The following AGBL3 variants were observed in gnomAD, a reference collection of about 807,000 sequenced individuals.
AGBL3 encodes AGBL carboxypeptidase 3.
Under a neutral mutation model 94.5 loss-of-function variants are expected in AGBL3, and 68 were observed. That is an observed-to-expected ratio of 0.72 (90% CI 0.59 to 0.88). The LOEUF (loss-of-function observed/expected upper bound fraction) is 0.88, where lower values mean the gene tolerates loss of function less well. AGBL3 is among the 40% of genes least tolerant of loss of function. The pLI, the probability that AGBL3 is intolerant of heterozygous loss-of-function variation, is 0.00. For missense variants in AGBL3, 934 were observed against 1,103.8 expected (o/e 0.85, Z 2.18); for synonymous variants, 354 against 370.7 (o/e 0.95, Z 0.52).
At chr7:135,038,179 ACTTTC>A (rs1414088643) in intron 8 of AGBL3, among the ~76,000 whole-genome samples, 1 of 152,200 alleles carries the variant, frequency 6.6e-6, no homozygotes, top group African/African-American at 2.4e-5. Context: ...ATTCCTGCAG[ACTTTC>A]CTTTAAGTTC....
intron 15 of AGBL3, chr7:135,093,342 C>A (rs1004614955): frequency 6.6e-6 from 1 of 151,940 alleles, no homozygotes; most frequent in African/African-American, 2.4e-5. Context: ...TAAATGAGTT[C>A]AACAAGGTTG....
At chr7:135,052,927 T>C (rs192580114) in intron 11 of AGBL3, among the ~76,000 whole-genome samples, 50 of 152,206 alleles carry the variant, frequency 3.3e-4, no homozygotes, top group Admixed American at 7.9e-4. Flanking sequence ...TTTTTTGAGG[T>C]TGCAGAATCA....
At chr7:135,076,565 C>T (rs1662930065) in intron 13 of AGBL3, 97 bp downstream of exon 13, 13 of 956,466 alleles carry the variant, frequency 1.4e-5, no homozygotes, top group Non-Finnish European at 1.6e-5. Context: ...CGAATTTTCC[C>T]CCAGGAGAAG....
intron 4 of AGBL3, among the ~76,000 whole-genome samples, chr7:134,994,878 T>A (rs1810797161): frequency 6.6e-6 from 1 of 152,182 alleles, no homozygotes; most frequent in Non-Finnish European, 1.5e-5. Context: ...ACACATCTCT[T>A]CAAAGCTGGG....
In AGBL3 at chr7:134,993,610, C is replaced by G; in HGVS notation, c.242C>G (p.Ser81Cys). 6.4e-7 allele frequency: 1 copy of G among 1,552,192 alleles called. No homozygotes were observed. Among genetic ancestry groups the G allele is most frequent in the Non-Finnish European group, 8.7e-7 (1 of 1,147,070 alleles). Residue 81 changes from serine (S) to cysteine (C), a missense_variant, in exon 4 of 17, where the codon TCT becomes TGT. Physicochemically the swap from Ser to Cys is moderately radical, Grantham distance 112. This residue lies in a region of AGBL3 where 488 missense variants were observed against 563.6 expected (regional missense o/e 0.87). Coordinates refer to ENST00000436302, the MANE Select transcript of AGBL3 (RefSeq NM_178563.4). Reference protein sequence around the residue: ...EPRDLYGVSSSGPLSPTRWPY... With the variant: ...EPRDLYGVSSCGPLSPTRWPY... ...AGGGATTTATATGGTGTCTCTTCTT[C>G]TGGTCCATTGAGCCCAACACGGTGG...
chr7:135,130,709 T>A (rs1385449365), intron 16 of AGBL3, among the ~76,000 whole-genome samples: 1 of 152,192 alleles, frequency 6.6e-6, no homozygotes, highest in Non-Finnish European at 1.5e-5. Context: ...CAGTATAACC[T>A]GTCTATACCA....
intron 11 of AGBL3, chr7:135,050,934 A>C (rs897032454): frequency 2.7e-6 from 1 of 374,894 alleles, no homozygotes; most frequent in Non-Finnish European, 5.1e-6. Context: ...AAGATTTACT[A>C]TTGCCATTTT....
At chr7:135,066,913 G>A (rs1241491882) in intron 12 of AGBL3, among the ~76,000 whole-genome samples, 2 of 152,210 alleles carry the variant, frequency 1.3e-5, no homozygotes, top group African/African-American at 2.4e-5. Flanking sequence ...GCAGTGCACC[G>A]AGCATGAGCC....
rs986960625 is a variant in AGBL3, at chr7:135,072,646, C to G, written c.1909-3751C>G. On this transcript the variant is annotated intron_variant, in intron 12 of 16. Transcript: ENST00000436302. ...GGATGAAGCTGGAAACCATCATTCT[C>G]AGCAAACTATCACAAGGACAAAAAA... Among the ~76,000 whole-genome samples the G allele has an allele frequency of 1.1e-4, 16 of 151,950 alleles. No homozygotes were observed. The East Asian group carries it at 2.3e-3, about 22-fold the overall frequency.
At chr7:135,080,743 T>TG in intron 14 of AGBL3, among the ~76,000 whole-genome samples, 1 of 81,006 alleles carries the variant, frequency 1.2e-5, no homozygotes, top group South Asian at 4.7e-4. Context: ...CTAGCATCTC[T>TG]GTTTTTTTTT....
chr7:135,090,953 C>T (rs1240507558), intron 15 of AGBL3, among the ~76,000 whole-genome samples: 1 of 152,142 alleles, frequency 6.6e-6, no homozygotes. Context: ...ATGACAGCTC[C>T]TTCTCTGGGG....
In AGBL3 at chr7:135,081,124, C is replaced by T. The variant is rs375769701; in HGVS notation, c.2039-595C>T. Among the ~76,000 whole-genome samples, 29 of 151,894 alleles carry T rather than the reference C, an allele frequency of 1.9e-4. No homozygotes were observed. In the East Asian group the frequency reaches 2.3e-3, roughly 12 times the overall value. On this transcript the variant is annotated intron_variant, in intron 14 of 16. Coordinates refer to ENST00000436302, the MANE Select transcript of AGBL3 (RefSeq NM_178563.4). Reference sequence around the variant, plus strand: ...ATAATGGTCAGCTAGGCATATTCAGCGGCTTTTTATAAGTAACTTTTATGT... The same window carrying T: ...ATAATGGTCAGCTAGGCATATTCAGTGGCTTTTTATAAGTAACTTTTATGT...
intron 3 of AGBL3, among the ~76,000 whole-genome samples, chr7:134,992,258 G>T (rs1309589520): frequency 6.6e-6 from 1 of 152,152 alleles, no homozygotes; most frequent in African/African-American, 2.4e-5. Context: ...TTTCAGCTTT[G>T]TTAGAGTGTG....
chr7:134,995,854 T>C (rs1481652562), intron 4 of AGBL3, among the ~76,000 whole-genome samples: 1 of 152,196 alleles, frequency 6.6e-6, no homozygotes, highest in Admixed American at 6.5e-5. Flanking sequence ...CCTGAAATTT[T>C]TGCAAGCTCT....
At chr7:135,011,538 A>G (rs1362135844) in intron 4 of AGBL3, 2 of 152,210 alleles carry the variant, frequency 1.3e-5, no homozygotes, top group Admixed American at 1.3e-4. Context: ...TCTGGAATAC[A>G]TAAAGCATTT....
chr7:135,126,554 G>A (rs1295951892), intron 16 of AGBL3, among the ~76,000 whole-genome samples: 3 of 152,156 alleles, frequency 2.0e-5, no homozygotes, highest in Non-Finnish European at 1.5e-5. Context: ...ATTTCATATG[G>A]AATCAAAGAA....
chr7:135,075,784 C>T (rs147688297), intron 12 of AGBL3, among the ~76,000 whole-genome samples: 51 of 152,302 alleles, frequency 3.3e-4, no homozygotes, highest in East Asian at 1.5e-3. Context: ...CTGACAAGTG[C>T]GTTATCTCAT....
In AGBL3 at chr7:135,034,600, G is replaced by T. The variant is rs1433950253; in HGVS notation, c.1009G>T (p.Val337Leu). The T allele has an allele frequency of 3.9e-6, 6 of 1,551,590 alleles. No individual in the cohort carries two copies. The highest frequency in any genetic ancestry group is 5.2e-6 in the Non-Finnish European group (6 of 1,146,976). ...GTGCCACACGCTTGCTAGGAACATGGTGTATATTTTAACAATCACTACCCC... is the reference window on the plus strand; with the variant it reads ...GTGCCACACGCTTGCTAGGAACATGTTGTATATTTTAACAATCACTACCCC... ...VLCHTLARNM[V>L]YILTITTPLK... Residue 337 changes from valine to leucine, a missense_variant, in exon 7 of 17, where the codon GTG becomes TTG. This residue lies in a region of AGBL3 where 488 missense variants were observed against 563.6 expected (regional missense o/e 0.87). Transcript: ENST00000436302.
chr7:135,064,134 G>A (rs1026809995), intron 12 of AGBL3, among the ~76,000 whole-genome samples: 3 of 152,120 alleles, frequency 2.0e-5, no homozygotes, highest in African/African-American at 4.8e-5. Context: ...CAATGGGGTG[G>A]GGAAGGATAA....
Sources: gnomAD v4.1 joint callset for allele counts (sites outside exome capture counted in the v4.1 genomes callset) on GRCh38, gnomAD v4.1.1 for gene constraint, gnomAD v4.1.1 regional missense constraint, MANE v1.5 for transcripts, NCBI Gene and HGNC (gene_info 2026-07-23, HGNC 2026-07-21) for gene names.